The following DIAPH1 variants were observed in gnomAD, a reference collection of about 807,000 sequenced individuals.
DIAPH1 encodes diaphanous related formin 1, also known as protein diaphanous homolog 1.
Under a neutral mutation model 140.7 loss-of-function variants are expected in DIAPH1, and 46 were observed. The observed-to-expected ratio is 0.33, with a 90% CI of 0.26 to 0.42. The LOEUF (loss-of-function observed/expected upper bound fraction) is 0.42, where lower values mean the gene tolerates loss of function less well. DIAPH1 is among the 10% of genes least tolerant of loss of function. The pLI, the probability that DIAPH1 is intolerant of heterozygous loss-of-function variation, is 1.00. For missense variants in DIAPH1, 1,310 were observed against 1,558.7 expected (o/e 0.84, Z 2.69); for synonymous variants, 565 against 551.6 (o/e 1.02, Z -0.34).
chr5:141,579,229 C>T (rs1442469434), intron 8 of DIAPH1, 33 bp from the exon 9 acceptor site: 2 of 1,543,868 alleles, frequency 1.3e-6, no homozygotes, highest in Admixed American at 3.3e-5. Flanking sequence ...AGAGAACTTT[C>T]CAGGTACTGT....
intron 18 of DIAPH1, among the ~76,000 whole-genome samples, chr5:141,567,828 T>C (rs1377467541): frequency 6.6e-6 from 1 of 152,246 alleles, no homozygotes; most frequent in African/African-American, 2.4e-5. Context: ...TAAACCTATC[T>C]GTTACGGCTA....
intron 1 of DIAPH1, among the ~76,000 whole-genome samples, chr5:141,609,338 C>A (rs887233827): frequency 6.6e-6 from 1 of 152,130 alleles, no homozygotes; most frequent in Admixed American, 6.6e-5. Context: ...AAATTCCTAG[C>A]AGTGAATAGT....
In DIAPH1 at chr5:141,609,299, C is replaced by T. The variant is rs182166570; in HGVS notation, c.117+9499G>A. ...ATAGACTGTAGATGACCAAAGAACT[C>T]TAAGGGAATACCACCAAAATTTTCT... On this transcript the variant is annotated intron_variant, in intron 1 of 27. Transcript: ENST00000389054. 7.6e-3 allele frequency among the ~76,000 whole-genome samples: 1,150 copies of T among 152,170 alleles called. 19 individuals are homozygous for T. The highest frequency in any genetic ancestry group is 0.026 in the African/African-American group (1,092 of 41,510).
At chr5:141,616,683 G>T (rs1262426552) in intron 1 of DIAPH1, among the ~76,000 whole-genome samples, 1 of 152,176 alleles carries the variant, frequency 6.6e-6, no homozygotes, top group Non-Finnish European at 1.5e-5. Context: ...GGCAATAAAA[G>T]GGTTAAGCAG....
At chr5:141,586,089 C>T (rs918039328) in intron 3 of DIAPH1, among the ~76,000 whole-genome samples, 2 of 152,200 alleles carry the variant, frequency 1.3e-5, no homozygotes, top group African/African-American at 4.8e-5. Flanking sequence ...AAAAGCCTCT[C>T]TTCAATTTGC....
intron 27 of DIAPH1, chr5:141,519,132 C>A (rs1412494001): frequency 1.5e-5 from 12 of 815,430 alleles, no homozygotes; most frequent in Non-Finnish European, 2.3e-5. Context: ...TAAACTAATG[C>A]CCCGTGACTG....
intron 18 of DIAPH1, among the ~76,000 whole-genome samples, chr5:141,566,321 C>A (rs550853747): frequency 6.6e-6 from 1 of 152,170 alleles, no homozygotes; most frequent in African/African-American, 2.4e-5. Flanking sequence ...ATAAAAATTC[C>A]TAAGAATTAA....
intron 3 of DIAPH1, among the ~76,000 whole-genome samples, chr5:141,584,916 G>A (rs2099897300): frequency 6.6e-6 from 1 of 151,970 alleles, no homozygotes; most frequent in South Asian, 2.1e-4. Context: ...TCTTCTGCAA[G>A]CAGCAAAATT....
chr5:141,573,829 G>A lies in DIAPH1; in HGVS notation c.2021C>T (p.Ala674Val). 1 of 1,522,026 alleles carries A rather than the reference G, an allele frequency of 6.6e-7. No homozygotes were observed. The highest frequency in any genetic ancestry group is 8.8e-7 in the Non-Finnish European group (1 of 1,130,524). The allele number at this position is 1,522,026 out of a possible 1,614,324, so 94.3% of individuals were successfully genotyped here. A position where few individuals can be genotyped will look rare whatever the true frequency, so the allele number is the denominator to read the frequency against. The change falls in exon 16 of 28, where the codon GCC becomes GTC. Residue 674 changes from alanine to valine, a missense_variant. Around this residue, in one of 3 missense-constraint regions of DIAPH1, gnomAD observed 589 missense variants for 549.3 expected, o/e 1.07. Transcript: ENST00000389054. ...AGGCAAAGGAGGAGGTGGGGGGATG[G>A]CAGTACCTCCAGGCAAAGAAGAGGG... ...PSPSSLPGGT[A>V]IPPPPPLPGS...
intron 1 of DIAPH1, among the ~76,000 whole-genome samples, chr5:141,612,105 A>C (rs959138452): frequency 1.3e-5 from 2 of 151,056 alleles, no homozygotes; most frequent in African/African-American, 4.9e-5. Flanking sequence ...AATAAAGCAT[A>C]CTGAGATATC....
chr5:141,562,460 CTTT>C (rs2099893709), intron 18 of DIAPH1, among the ~76,000 whole-genome samples: 1 of 151,884 alleles, frequency 6.6e-6, no homozygotes, highest in African/African-American at 2.4e-5. Flanking sequence ...TATAACTGCA[CTTT>C]TTAAGAAAGT....
intron 14 of DIAPH1, among the ~76,000 whole-genome samples, 180 bp from the exon 15 acceptor site, chr5:141,575,326 G>A (rs560147918): frequency 1.3e-5 from 2 of 152,070 alleles, no homozygotes; most frequent in Non-Finnish European, 2.9e-5. Context: ...CCATGCTCGG[G>A]GGAAAAAAGC....
chr5:141,585,539 T>C (rs1022459563), intron 3 of DIAPH1, among the ~76,000 whole-genome samples: 7 of 152,188 alleles, frequency 4.6e-5, no homozygotes, highest in East Asian at 1.9e-4. Flanking sequence ...CAGTGGCTCA[T>C]GCCCGTAATC....
Position 141,530,720 on chromosome 5 carries a change from C to T in DIAPH1, c.2582-1023G>A, listed in dbSNP as rs545143321. On this transcript the variant is annotated intron_variant, in intron 19 of 27. Transcript: ENST00000389054. Reference sequence around the variant, plus strand: ...CTGGTCAAATTACTTGCTCAGCTTTCTCTTATCCTACTTAAAAATAAAGCA... The same window carrying T: ...CTGGTCAAATTACTTGCTCAGCTTTTTCTTATCCTACTTAAAAATAAAGCA... Among the ~76,000 whole-genome samples, 10 of 152,290 alleles carry T rather than the reference C, an allele frequency of 6.6e-5. No individual in the cohort carries two copies. In the South Asian group the frequency reaches 2.1e-3, roughly 32 times the overall value.
intron 1 of DIAPH1, among the ~76,000 whole-genome samples, chr5:141,612,510 A>G (rs1234303623): frequency 6.6e-6 from 1 of 152,262 alleles, no homozygotes; most frequent in Non-Finnish European, 1.5e-5. Flanking sequence ...AAGACCACAC[A>G]TCACAATAAA....
intron 18 of DIAPH1, among the ~76,000 whole-genome samples, chr5:141,538,528 G>T (rs536251608): frequency 6.6e-6 from 1 of 152,194 alleles, no homozygotes; most frequent in South Asian, 2.1e-4. Flanking sequence ...CGCCTCCTGG[G>T]TTCAGGTGAT....
intron 13 of DIAPH1, 76 bp downstream of exon 13, chr5:141,576,680 C>T (rs1562323889): frequency 3.8e-6 from 4 of 1,059,320 alleles, no homozygotes; most frequent in Non-Finnish European, 5.9e-6. Flanking sequence ...TCTTCTCTGA[C>T]ATTTTCACTG....
rs887748850 is a variant in DIAPH1, at chr5:141,570,088, C to T, written c.2482+1340G>A. Among the ~76,000 whole-genome samples, 11 of 150,086 alleles carry T rather than the reference C, an allele frequency of 7.3e-5. No individual in the cohort carries two copies. In the East Asian group the frequency reaches 1.8e-3, roughly 24 times the overall value. On this transcript the variant is annotated intron_variant, in intron 18 of 27. Transcript: ENST00000389054. ...GAGAATATAATGCCAAGGAAGACCA[C>T]TAAACTGTATAAAACCCAACTAGAA...
chr5:141,601,963 G>A (rs2099900203), intron 1 of DIAPH1, among the ~76,000 whole-genome samples: 1 of 152,140 alleles, frequency 6.6e-6, no homozygotes, highest in African/African-American at 2.4e-5. Context: ...GTCTACCTAT[G>A]GGTAAAATGG....
Sources: gnomAD v4.1 joint callset for allele counts (sites outside exome capture counted in the v4.1 genomes callset) on GRCh38, gnomAD v4.1.1 for gene constraint, gnomAD v4.1.1 regional missense constraint, MANE v1.5 for transcripts, NCBI Gene and HGNC (gene_info 2026-07-23, HGNC 2026-07-21) for gene names.